The following COL27A1 variants were observed in gnomAD, a reference collection of about 807,000 sequenced individuals.
The protein encoded by COL27A1 is collagen alpha-1(XXVII) chain.
A neutral mutation model predicts 251.3 loss-of-function variants in COL27A1; 106 were observed. The ratio of observed to expected loss-of-function variants is 0.42; its 90% CI spans 0.36 to 0.50. The LOEUF is 0.50. Among genes scored for constraint, COL27A1 ranks in the 20% least tolerant of loss-of-function variants. The pLI is 0.00. For missense variants in COL27A1, 2,325 were observed against 2,522.8 expected (o/e 0.92, Z 1.68); for synonymous variants, 1,000 against 986.3 (o/e 1.01, Z -0.26).
chr9:114,228,439 C>T (rs747355233), intron 14 of COL27A1, among the ~76,000 whole-genome samples: 1 of 152,214 alleles, frequency 6.6e-6, no homozygotes, highest in Non-Finnish European at 1.5e-5. Flanking sequence ...GAAGCAGCAG[C>T]CAGAGGGGCC....
intron 37 of COL27A1, among the ~76,000 whole-genome samples, chr9:114,280,403 A>C (rs181485837): frequency 5.9e-5 from 9 of 152,278 alleles, no homozygotes; most frequent in Non-Finnish European, 1.3e-4. Flanking sequence ...GCATTTTGCC[A>C]TGTTGGCCAG....
At chr9:114,157,797 C>A (rs1848218927) in intron 1 of COL27A1, among the ~76,000 whole-genome samples, 1 of 152,164 alleles carries the variant, frequency 6.6e-6, no homozygotes, top group South Asian at 2.1e-4. Context: ...GCTGTGCCAG[C>A]TTGGGTGAGC....
upstream of COL27A1, among the ~76,000 whole-genome samples, chr9:114,154,973 G>T (rs1848037051): frequency 6.6e-6 from 1 of 152,082 alleles, no homozygotes; most frequent in African/African-American, 2.4e-5. The surrounding 1 kb of genome is among the most constrained non-coding windows in gnomAD (Gnocchi z 5.8). Context: ...CTGGGGAGGT[G>T]CGTGGTTAGT....
chr9:114,265,501 T>C, intron 32 of COL27A1, 26 bp downstream of exon 32: 1 of 1,611,196 alleles, frequency 6.2e-7, no homozygotes, highest in South Asian at 1.1e-5. Context: ...TTCCCTCTTC[T>C]GCTTCTTTGC....
intron 27 of COL27A1, among the ~76,000 whole-genome samples, chr9:114,258,311 C>T (rs937382551): frequency 2.0e-5 from 3 of 152,180 alleles, no homozygotes; most frequent in African/African-American, 7.2e-5. Flanking sequence ...AGGCCCATCC[C>T]CCTATAGCCC....
At chr9:114,242,786 C>T (rs1310837613) in intron 22 of COL27A1, among the ~76,000 whole-genome samples, 3 of 152,178 alleles carry the variant, frequency 2.0e-5, no homozygotes, top group African/African-American at 7.2e-5. Context: ...AACCAAGAGA[C>T]TTTAAATGTA....
chr9:114,181,490 C>T (rs550356888), intron 4 of COL27A1, among the ~76,000 whole-genome samples: 6 of 152,302 alleles, frequency 3.9e-5, no homozygotes, highest in Admixed American at 1.3e-4. Context: ...AAGCAGTTCA[C>T]ACACAGTTAG....
At chr9:114,232,609 G>A (rs79307193) in intron 16 of COL27A1, among the ~76,000 whole-genome samples, 1 of 152,328 alleles carries the variant, frequency 6.6e-6, no homozygotes, top group East Asian at 1.9e-4. Flanking sequence ...ACATCCGAAG[G>A]ACTGACTGCT....
intron 11 of COL27A1, among the ~76,000 whole-genome samples, chr9:114,210,107 T>A (rs1433855849): frequency 6.6e-6 from 1 of 152,214 alleles, no homozygotes; most frequent in East Asian, 1.9e-4. Flanking sequence ...TTGCAACCAA[T>A]GAACACCGGG....
In COL27A1 at chr9:114,309,398, G is replaced by A. The variant is rs369773718; in HGVS notation, c.5356G>A (p.Val1786Ile). 2.0e-5 allele frequency: 32 copies of A among 1,614,112 alleles called. No homozygotes were observed. In the Admixed American group the frequency reaches 2.5e-4, roughly 13 times the overall value. The stretch of plus-strand genomic sequence containing the variant: ...TGGGCAGACCCCAGCCAAGCAGGCC[G>A]TACGCTTCCGGGCCTGGAATGGACA... Reference protein sequence around the residue: ...GTGQTPAKQAVRFRAWNGQIF... With the variant: ...GTGQTPAKQAIRFRAWNGQIF... The change falls in exon 60 of 61, where the codon GTA (valine) becomes ATA (isoleucine). Residue 1786 changes from valine to isoleucine, a missense_variant. By Grantham distance (29) the Val-to-Ile change is conservative (BLOSUM62 3). This residue lies in a region of COL27A1 where 327 missense variants were observed against 442.8 expected (regional missense o/e 0.74). Transcript: ENST00000356083.
chr9:114,173,685 G>T (rs1354839211), intron 3 of COL27A1, among the ~76,000 whole-genome samples: 1 of 151,736 alleles, frequency 6.6e-6, no homozygotes, highest in Non-Finnish European at 1.5e-5. Context: ...TCGTTACATG[G>T]ATTCAGTGAG....
At chr9:114,166,128 CATCCATTT>C (rs1848832019) in intron 2 of COL27A1, among the ~76,000 whole-genome samples, 1 of 151,904 alleles carries the variant, frequency 6.6e-6, no homozygotes. Context: ...TTCATCTATT[CATCCATTT>C]ATCCATCCAT....
Position 114,282,265 on chromosome 9 carries a change from C to T in COL27A1, c.3718-12C>T, listed in dbSNP as rs1167091293. On this transcript the variant is annotated splice_polypyrimidine_tract_variant and intron_variant, in intron 37 of 60. Coordinates refer to ENST00000356083, the MANE Select transcript of COL27A1 (RefSeq NM_032888.4). Reference sequence around the variant, plus strand: ...TCATCTTTCTCTTGCTCTGTCCCTCCTCTCTCTTCAGGGTCCTGAAGGAAA... The same window carrying T: ...TCATCTTTCTCTTGCTCTGTCCCTCTTCTCTCTTCAGGGTCCTGAAGGAAA... 1.2e-6 allele frequency: 2 copies of T among 1,612,064 alleles called. No individual in the cohort carries two copies. Among genetic ancestry groups the T allele is most frequent in the South Asian group, 1.1e-5 (1 of 91,048 alleles).
chr9:114,247,953 T>C (rs1409155817), intron 24 of COL27A1, among the ~76,000 whole-genome samples: 2 of 152,198 alleles, frequency 1.3e-5, no homozygotes, highest in African/African-American at 4.8e-5. Context: ...GTGACATTTA[T>C]TAGTCACCTG....
At chr9:114,158,416 C>T (rs1848267703) in intron 1 of COL27A1, among the ~76,000 whole-genome samples, 2 of 152,170 alleles carry the variant, frequency 1.3e-5, no homozygotes, top group Non-Finnish European at 2.9e-5. Context: ...TGGCAGAGGG[C>T]CTTTTGCAAG....
chr9:114,250,793 C>T, intron 25 of COL27A1, 125 bp downstream of exon 25: 1 of 777,370 alleles, frequency 1.3e-6, no homozygotes, highest in Non-Finnish European at 2.2e-6. Context: ...CCTGACCTGG[C>T]ATTCTGAGTC....
rs1449190037 is a variant in COL27A1, at chr9:114,307,567, C to T, written c.5108-102C>T. The stretch of plus-strand genomic sequence containing the variant: ...TCACCCACCCTGACTTCATGCTCAC[C>T]TGGGGCTCGGCAGGTCACAAGATGC... On this transcript the variant is annotated intron_variant, in intron 58 of 60. Transcript: ENST00000356083. 4 of 810,968 alleles carry T rather than the reference C, an allele frequency of 4.9e-6. No individual in the cohort carries two copies. In the East Asian group the frequency reaches 7.4e-5, roughly 15 times the overall value. 50.2% of individuals were successfully genotyped at this position (810,968 alleles called of 1,614,324 possible).
intron 13 of COL27A1, 38 bp downstream of exon 13, chr9:114,219,882 C>A (rs1237061912): frequency 2.0e-6 from 3 of 1,480,646 alleles, no homozygotes; most frequent in Non-Finnish European, 2.8e-6. Context: ...GAGCGAGATT[C>A]TGAGTGAACA....
At chr9:114,299,019 G>A (rs979208971) in intron 49 of COL27A1, among the ~76,000 whole-genome samples, 11 of 152,004 alleles carry the variant, frequency 7.2e-5, no homozygotes, top group African/African-American at 2.7e-4. Context: ...AATAAGCATT[G>A]ATAAGACAAA....
Sources: gnomAD v4.1 joint callset for allele counts (sites outside exome capture counted in the v4.1 genomes callset) on GRCh38, gnomAD v4.1.1 for gene constraint, gnomAD v4.1.1 regional missense constraint, Gnocchi (gnomAD v3.1) non-coding constraint, MANE v1.5 for transcripts, NCBI Gene and HGNC (gene_info 2026-07-23, HGNC 2026-07-21) for gene names.